Variants in HERC4 observed in about 807,000 individuals in gnomAD.
The protein encoded by HERC4 is probable E3 ubiquitin-protein ligase HERC4.
A neutral mutation model predicts 124.3 loss-of-function variants in HERC4; 28 were observed. That is an observed-to-expected ratio of 0.23 (90% CI 0.17 to 0.31). The LOEUF is 0.31. Among genes scored for constraint, HERC4 ranks in the 10% least tolerant of loss-of-function variants. The pLI is 1.00. For synonymous variants in HERC4, 407 were observed against 421.5 expected, an observed-to-expected ratio of 0.97 and a Z score of 0.42; for missense variants, 713 against 1,229.3, an observed-to-expected ratio of 0.58 and a Z score of 6.28.
Position 67,992,232 on chromosome 10 carries a change from T to C in HERC4, c.1238A>G (p.Tyr413Cys), listed in dbSNP as rs754630867. 40 of 1,613,982 alleles carry C rather than the reference T, an allele frequency of 2.5e-5. No homozygotes were observed. The highest frequency in any genetic ancestry group is 3.2e-5 in the Non-Finnish European group (38 of 1,179,964). ...NEALIQKWLS[Y>C]PSGRFPVEIA... ...CTCCACAGGAAACCTTCCAGAAGGA[T>C]AGCTCAGCCATTTCTGAATTAGAGC... Residue 413 changes from tyrosine to cysteine, a missense_variant, in exon 11 of 25, where the codon TAT becomes TGT. Tyr to Cys is a radical substitution (Grantham distance 194). Coordinates refer to ENST00000373700, the MANE Select transcript of HERC4 (RefSeq NM_015601.4).
At chr10:68,038,219 T>A (rs2039577533) in intron 4 of HERC4, 50 bp from the exon 5 acceptor site, 2 of 857,404 alleles carry the variant, frequency 2.3e-6, no homozygotes, top group Non-Finnish European at 1.8e-6. Flanking sequence ...TTTAACAAAT[T>A]GATCTTGAAT....
At chr10:68,032,696 T>C (rs1436361657) in intron 7 of HERC4, 82 bp downstream of exon 7, 9 of 738,306 alleles carry the variant, frequency 1.2e-5, no homozygotes, top group East Asian at 5.0e-5. Flanking sequence ...AAGTTAAAAC[T>C]TGAGAAAATA....
chr10:68,064,927 G>A lies in HERC4; in HGVS notation c.226+7956C>T, dbSNP rs113797758. ...GCAGAGGCTAGGGTGAGTGGAGATC[G>A]CGCCATGCACTCCAGCTTGGGTGAC... On this transcript the variant is annotated intron_variant, in intron 3 of 24. Transcript: ENST00000373700. Among the ~76,000 whole-genome samples the A allele has an allele frequency of 3.8e-3, 571 of 149,908 alleles. 2 individuals are homozygous for A. Among genetic ancestry groups the A allele is most frequent in the African/African-American group, 0.013 (530 of 40,726 alleles).
intron 3 of HERC4, among the ~76,000 whole-genome samples, chr10:68,071,551 C>A (rs922958387): frequency 3.9e-5 from 6 of 152,186 alleles, no homozygotes; most frequent in African/African-American, 1.4e-4. Context: ...CCTGAGGCAG[C>A]ATTCCAAGCT....
chr10:68,056,736 GT>G (rs201424069), intron 3 of HERC4, among the ~76,000 whole-genome samples: 1,963 of 152,280 alleles, frequency 0.013, 15 homozygotes, highest in Non-Finnish European at 0.022. Flanking sequence ...ACCAGTAATA[GT>G]CCAGAATGAA....
rs146887700 is a variant in HERC4, at chr10:67,923,092, G to C, written c.2989C>G (p.Leu997Val). Residue 997 changes from leucine (L) to valine (V), a missense_variant, in exon 25 of 25, where the codon CTG (leucine) becomes GTG (valine). Physicochemically the swap from Leu to Val is conservative, Grantham distance 32 (BLOSUM62 1). Transcript: ENST00000373700. Reference protein sequence around the residue: ...DRIPILGMKSLKLVIQSTGGG... With the variant: ...DRIPILGMKSVKLVIQSTGGG... Reference sequence around the variant, plus strand: ...CCTGTGGACTGGATGACTAGTTTCAGACTCTTCATACCAAGAATAGGAATG... The same window carrying C: ...CCTGTGGACTGGATGACTAGTTTCACACTCTTCATACCAAGAATAGGAATG... 110 of 1,613,740 alleles carry C rather than the reference G, an allele frequency of 6.8e-5. No homozygotes were observed. The highest frequency in any genetic ancestry group is 1.5e-5 in the Non-Finnish European group (18 of 1,179,946).
chr10:67,985,364 T>C (rs1179767465), intron 15 of HERC4, among the ~76,000 whole-genome samples: 1 of 152,242 alleles, frequency 6.6e-6, no homozygotes, highest in African/African-American at 2.4e-5. Context: ...AGTCACACGG[T>C]AGAAGTTCAA....
In HERC4 at chr10:67,964,962, C is replaced by CG. The variant is rs1487108213; in HGVS notation, c.1926+1720dup. ...TAAGTTTTTGTATTTTTAGTAGAGA[C>CG]GGGGTTTCACTATGTTGGTCAGGCT... On this transcript the variant is annotated intron_variant, in intron 16 of 24. Transcript: ENST00000373700. 2.6e-5 allele frequency: 4 copies of CG among 151,992 alleles called. 1 individual carries two copies. Among genetic ancestry groups the CG allele is most frequent in the East Asian group, 3.9e-4 (2 of 5,174 alleles). 9.4% of individuals were successfully genotyped at this position (151,992 alleles called of 1,614,324 possible). A position where few individuals can be genotyped will look rare whatever the true frequency, so the allele number is the denominator to read the frequency against.
chr10:68,003,341 T>G (rs879890339), intron 9 of HERC4, among the ~76,000 whole-genome samples: 2,700 of 147,960 alleles, frequency 0.018, 33 homozygotes, highest in Non-Finnish European at 0.027. Context: ...TTTTTTTTTT[T>G]TTTTTGTATT....
intron 16 of HERC4, among the ~76,000 whole-genome samples, chr10:67,962,467 GAATAT>G (rs1221650437): frequency 6.6e-6 from 1 of 152,066 alleles, no homozygotes; most frequent in Admixed American, 6.5e-5. Flanking sequence ...ATACTAAGCA[GAATAT>G]AATTTGGTTA....
At chr10:67,974,930 C>A (rs2132553409) in intron 15 of HERC4, among the ~76,000 whole-genome samples, 1 of 152,252 alleles carries the variant, frequency 6.6e-6, no homozygotes, top group East Asian at 1.9e-4. Context: ...GTGGCTCATG[C>A]CTGTAATCCC....
chr10:68,011,085 C>A (rs1178252473), intron 9 of HERC4, among the ~76,000 whole-genome samples: 1 of 152,200 alleles, frequency 6.6e-6, no homozygotes, highest in Non-Finnish European at 1.5e-5. Flanking sequence ...GAATCAAAGA[C>A]AGGGTCTTGC....
chr10:67,941,723 G>A (rs1240809599), intron 19 of HERC4, among the ~76,000 whole-genome samples: 1 of 132,360 alleles, frequency 7.6e-6, no homozygotes, highest in African/African-American at 3.0e-5. Context: ...CTGTCACCCA[G>A]GATGGAGTGC....
intron 5 of HERC4, among the ~76,000 whole-genome samples, chr10:68,035,812 C>A (rs116523038): frequency 2.0e-4 from 31 of 152,318 alleles, no homozygotes; most frequent in African/African-American, 7.5e-4. Context: ...TTTCAACTCT[C>A]TCCCAGCAGG....
At chr10:68,019,252 TC>T (rs1243357498) in intron 8 of HERC4, among the ~76,000 whole-genome samples, 1 of 152,104 alleles carries the variant, frequency 6.6e-6, no homozygotes, top group Non-Finnish European at 1.5e-5. Context: ...CGCCTCGGCC[TC>T]CCAAAGTGCT....
chr10:68,033,888 A>C (rs913014803), intron 6 of HERC4, 77 bp downstream of exon 6: 6 of 1,188,024 alleles, frequency 5.1e-6, no homozygotes, highest in Non-Finnish European at 7.3e-6. Context: ...TCTCTCTTAC[A>C]CTAAGAATCA....
chr10:67,988,726 A>C lies in HERC4; in HGVS notation c.1743T>G (p.Ser581=). 6.2e-7 allele frequency: 1 copy of C among 1,602,160 alleles called. No homozygotes were observed. The change falls in exon 15 of 25, where the codon TCT becomes TCG. Residue 581 remains serine (S), a synonymous_variant. Transcript: ENST00000373700. ...LKLYKIGIPP[S]ERRIFNSFLH... is the part of the protein sequence containing the mutation. The stretch of plus-strand genomic sequence containing the variant: ...GAAAACTGTTGAAAATTCTTCTTTC[A>C]GAAGGGGGAATACCGATCTTGTAGA...
At chr10:67,988,273 C>T (rs1037887527) in intron 15 of HERC4, 6 of 152,792 alleles carry the variant, frequency 3.9e-5, no homozygotes, top group African/African-American at 1.4e-4. Flanking sequence ...AGCAAAAGAA[C>T]ACAAGTTTTA....
chr10:68,044,650 GAACAA>G (rs1470354546), intron 3 of HERC4, 87 bp from the exon 4 acceptor site: 1 of 1,151,518 alleles, frequency 8.7e-7, no homozygotes, highest in East Asian at 2.4e-5. Context: ...CTTCCAATAA[GAACAA>G]AACACATTCT....
Sources: gnomAD v4.1 joint callset for allele counts (sites outside exome capture counted in the v4.1 genomes callset) on GRCh38, gnomAD v4.1.1 for gene constraint, MANE v1.5 for transcripts, NCBI Gene and HGNC (gene_info 2026-07-23, HGNC 2026-07-21) for gene names.